The following RYR1 variants were observed in gnomAD, a reference collection of about 807,000 sequenced individuals.
RYR1 encodes ryanodine receptor 1.
In RYR1, 342 loss-of-function variants were observed where a neutral mutation model predicts 583.5. The ratio of observed to expected loss-of-function variants is 0.59; its 90% CI spans 0.54 to 0.64. The LOEUF (loss-of-function observed/expected upper bound fraction) is 0.64. Ranked by LOEUF, RYR1 falls within the 30% of genes least tolerant of loss-of-function variation. The pLI is 0.00. For missense variants in RYR1, 6,032 were observed against 6,917.2 expected, an observed-to-expected ratio of 0.87 and a Z score of 4.54; for synonymous variants, 2,791 against 2,822.5, an observed-to-expected ratio of 0.99 and a Z score of 0.35.
rs759417601 is a variant in RYR1 at position 38,440,823 on chromosome 19, G to A, written c.124G>A (p.Gly42Ser). 45 of 1,610,056 alleles carry A rather than the reference G, an allele frequency of 2.8e-5. No individual in the cohort carries two copies. The highest frequency in any genetic ancestry group is 6.7e-5 in the Admixed American group (4 of 59,586). ...GCTCTGCCTGGCCGCCGAGGGCTTC[G>A]GCAACCGCCTGTGCTTCCTGGAGCC... ...LKLCLAAEGF[G>S]NRLCFLEPTS... Residue 42 changes from glycine to serine, a missense_variant, in exon 2 of 106, where the codon GGC becomes AGC. Coordinates refer to ENST00000359596, the MANE Select transcript of RYR1 (RefSeq NM_000540.3).
intron 9 of RYR1, 55 bp downstream of exon 9, chr19:38,446,823 C>A: frequency 7.0e-7 from 1 of 1,438,710 alleles, no homozygotes; most frequent in Non-Finnish European, 9.7e-7. Flanking sequence ...ACCTGGCAGG[C>A]TGGGAGGACA....
chr19:38,517,385 G>C lies in RYR1; in HGVS notation c.9712G>C (p.Glu3238Gln). The C allele has an allele frequency of 6.2e-7, 1 of 1,613,976 alleles. No individual in the cohort carries two copies. Among genetic ancestry groups the C allele is most frequent in the Admixed American group, 1.7e-5 (1 of 60,016 alleles). Residue 3238 changes from glutamate (E) to glutamine (Q), a missense_variant, in exon 66 of 106, where the codon GAG becomes CAG. Glu to Gln is a conservative substitution (Grantham distance 29, BLOSUM62 2). Coordinates refer to ENST00000359596, the MANE Select transcript of RYR1 (RefSeq NM_000540.3). ...CCTGGGGCTCCCCAACAGTGTGGAG[G>C]AGATGTGTCCCGACATCCCGGTGCT... ...AILGLPNSVE[E>Q]MCPDIPVLER... is the part of the protein sequence containing the mutation.
At position 38,460,429 on chromosome 19, in the gene RYR1, T is replaced by C. The variant is rs141881325; in HGVS notation, c.2415T>C (p.Pro805=). 5.6e-4 allele frequency: 911 copies of C among 1,614,198 alleles called. 3 individuals carry two copies. The African/African-American group carries it at 0.01, about 18-fold the overall frequency. ...GTGAATTCAAGTTCCTGCCCCCACC[T>C]GGCTATGCTCCATGCCATGAGGCTG... ...RHGEFKFLPP[P]GYAPCHEAVL... Residue 805 remains proline (P), a synonymous_variant, in exon 20 of 106, where the codon CCT becomes CCC. Transcript: ENST00000359596.
chr19:38,515,009 C>A lies in RYR1; in HGVS notation c.9473-17C>A, dbSNP rs769687640. On this transcript the variant is annotated splice_polypyrimidine_tract_variant and intron_variant, in intron 63 of 105. Transcript: ENST00000359596. ...CTTGTGAGCGCATGCCGCAGCCTCGCCCCCTGTCTCCCTCAGTGGACGACG... is the reference window on the plus strand; with the variant it reads ...CTTGTGAGCGCATGCCGCAGCCTCGACCCCTGTCTCCCTCAGTGGACGACG... 1.3e-6 allele frequency: 2 copies of A among 1,599,834 alleles called. No individual in the cohort carries two copies. Among genetic ancestry groups the A allele is most frequent in the Middle Eastern group, 3.4e-4 (2 of 5,848 alleles).
In RYR1 at chr19:38,523,211, C is replaced by T; in HGVS notation, c.10348-6C>T. The T allele has an allele frequency of 1.2e-6, 2 of 1,614,248 alleles. No homozygotes were observed. Among genetic ancestry groups the T allele is most frequent in the South Asian group, 1.1e-5 (1 of 91,090 alleles). On this transcript the variant is annotated splice_polypyrimidine_tract_variant and splice_region_variant and intron_variant, in intron 68 of 105. Transcript: ENST00000359596. ...GTCCGGTCTGCAACACTGCTTCCCC[C>T]ACCAGAACTTCAAGCGCGAGGAGCA...
intron 63 of RYR1, among the ~76,000 whole-genome samples, 169 bp from the exon 64 acceptor site, chr19:38,514,857 T>G (rs1970885392): frequency 6.6e-6 from 1 of 152,024 alleles, no homozygotes; most frequent in African/African-American, 2.4e-5. Flanking sequence ...AAGCTGAGGC[T>G]GAGAGAGAGT....
At chr19:38,530,719 C>T (rs1202639865) in intron 76 of RYR1, among the ~76,000 whole-genome samples, 1 of 152,110 alleles carries the variant, frequency 6.6e-6, no homozygotes, top group Non-Finnish European at 1.5e-5. Flanking sequence ...GTGGATGCTG[C>T]ACTTCTAGGC....
In RYR1 at chr19:38,543,275, GAATA is replaced by G; in HGVS notation, c.11690-68_11690-65del. 1 of 1,299,196 alleles carries G rather than the reference GAATA, an allele frequency of 7.7e-7. No homozygotes were observed. The highest frequency in any genetic ancestry group is 1.2e-5 in the South Asian group (1 of 84,308). The allele number at this position is 1,299,196 out of a possible 1,614,324, so 80.5% of individuals were successfully genotyped here. On this transcript the variant is annotated intron_variant, in intron 84 of 105. Transcript: ENST00000359596. The surrounding 1 kb of genome is among the most constrained non-coding windows in gnomAD (Gnocchi z 4.4). ...CTCAACACATGAGTATTGCATAAAT[GAATA>G]AATGACCCACTGTTCATCTCCCCTA...
intron 88 of RYR1, among the ~76,000 whole-genome samples, chr19:38,547,727 T>G (rs1168667013): frequency 6.6e-6 from 1 of 151,856 alleles, no homozygotes; most frequent in Non-Finnish European, 1.5e-5. Flanking sequence ...TCTTTTTTTT[T>G]TTTTTTGAGA....
intron 26 of RYR1, 39 bp from the exon 27 acceptor site, chr19:38,469,266 A>C: frequency 3.7e-6 from 6 of 1,609,846 alleles, no homozygotes; most frequent in Non-Finnish European, 5.1e-6. Flanking sequence ...TGCCCTGCCC[A>C]CCTGCCCTCA....
chr19:38,527,405 G>A, intron 72 of RYR1: 1 of 568,788 alleles, frequency 1.8e-6, no homozygotes, highest in Non-Finnish European at 3.1e-6. Context: ...GGCTACTCAG[G>A]AGGCTGAAGC....
rs12979769 is a variant in RYR1 at position 38,536,083 on chromosome 19, C to T, written c.11590+13C>T. The T allele has an allele frequency of 6.2e-7, 1 of 1,607,006 alleles. No individual in the cohort carries two copies. Among genetic ancestry groups the T allele is most frequent in the South Asian group, 1.1e-5 (1 of 90,184 alleles). On this transcript the variant is annotated intron_variant, in intron 82 of 105. Transcript: ENST00000359596. Reference sequence around the variant, plus strand: ...GAGGATGGCACTGGTGAGGCCCTCCCTTGGGCTTCCCACCCCCTGAGACAT... The same window carrying T: ...GAGGATGGCACTGGTGAGGCCCTCCTTTGGGCTTCCCACCCCCTGAGACAT...
chr19:38,572,818 C>A (rs879564514), intron 95 of RYR1, among the ~76,000 whole-genome samples: 57 of 150,430 alleles, frequency 3.8e-4, no homozygotes, highest in Admixed American at 8.0e-4. Flanking sequence ...AGCCCTGACA[C>A]CCCTGCCTGT....
At chr19:38,439,141 T>G (rs1972557748) in intron 1 of RYR1, among the ~76,000 whole-genome samples, 1 of 152,122 alleles carries the variant, frequency 6.6e-6, no homozygotes, top group Non-Finnish European at 1.5e-5. Flanking sequence ...GCATAAGGCC[T>G]GGGAGCCAGT....
At chr19:38,550,294 C>G (rs1048704075) in intron 89 of RYR1, among the ~76,000 whole-genome samples, 3 of 152,110 alleles carry the variant, frequency 2.0e-5, no homozygotes, top group African/African-American at 7.2e-5. Context: ...CTCCTTCAGT[C>G]TGGAACTGTG....
intron 87 of RYR1, among the ~76,000 whole-genome samples, chr19:38,545,443 A>G (rs1303704677): frequency 6.6e-6 from 1 of 152,224 alleles, no homozygotes; most frequent in Non-Finnish European, 1.5e-5. Context: ...CTAGCATGGG[A>G]GCAAAAGATC....
rs755861821 is a variant in RYR1, at chr19:38,477,643, C to T, written c.4294-67C>T. On this transcript the variant is annotated intron_variant, in intron 29 of 105. Transcript: ENST00000359596. ...CCCAACAGTCCAGGGAAACCAATTT[C>T]GAGTCCCAGGGAGCCCGAGTCCCTG... is the stretch of plus-strand genomic sequence containing the variant. 2.2e-4 allele frequency: 349 copies of T among 1,609,414 alleles called. 1 individual carries two copies. The highest frequency in any genetic ancestry group is 2.7e-4 in the Non-Finnish European group (318 of 1,176,596).
chr19:38,541,598 C>G (rs145844324), intron 84 of RYR1, among the ~76,000 whole-genome samples: 86 of 152,230 alleles, frequency 5.6e-4, no homozygotes, highest in African/African-American at 2.0e-3. Context: ...TGCCTGTAAT[C>G]CCAGCTACTC....
intron 89 of RYR1, among the ~76,000 whole-genome samples, chr19:38,558,006 T>TATAAA (rs142128495): frequency 1.3e-5 from 2 of 151,484 alleles, no homozygotes; most frequent in African/African-American, 2.4e-5. Flanking sequence ...TACAATAAAA[T>TATAAA]ATAAAATAAA....
Sources: allele counts gnomAD v4.1 joint callset (sites outside exome capture counted in the v4.1 genomes callset), GRCh38; gene constraint gnomAD v4.1.1; non-coding constraint Gnocchi (gnomAD v3.1); transcripts MANE v1.5; gene names NCBI Gene and HGNC (gene_info 2026-07-23, HGNC 2026-07-21).